The following TEX11 variants were observed in gnomAD, a reference collection of about 807,000 sequenced individuals.
TEX11 encodes testis-expressed protein 11.
A neutral mutation model predicts 84.4 loss-of-function variants in TEX11; 7 were observed. The ratio of observed to expected loss-of-function variants is 0.08; its 90% CI spans 0.05 to 0.16. TEX11 has a LOEUF of 0.16. Among genes scored for constraint, TEX11 ranks in the 10% least tolerant of loss-of-function variants. The pLI, the probability that TEX11 is intolerant of heterozygous loss-of-function variation, is 1.00. For missense variants in TEX11, 551 were observed against 660.5 expected (o/e 0.83, Z 1.82); for synonymous variants, 264 against 222.8 (o/e 1.18, Z -1.64).
rs781247115 is a variant in TEX11 at position 70,832,993 on chromosome X, G to T, written c.606+520C>A. Among the ~76,000 whole-genome samples the T allele has an allele frequency of 1.1e-4, 12 of 112,165 alleles. No individual in the cohort carries two copies. In the South Asian group the frequency reaches 4.1e-3, roughly 38 times the overall value. The stretch of plus-strand genomic sequence containing the variant: ...TTTAAGAAATATTCCATATCAGCCA[G>T]GTGTGGTGGCTCACGCCTGTAATCC... On this transcript the variant is annotated intron_variant, in intron 8 of 29. Transcript: ENST00000374333.
At chrX:70,623,172 A>G (rs1242888112) in intron 20 of TEX11, among the ~76,000 whole-genome samples, 2 of 111,903 alleles carry the variant, frequency 1.8e-5, no homozygotes, top group Non-Finnish European at 3.8e-5. Flanking sequence ...TTGAAAAAAT[A>G]CATTGCCTCC....
intron 9 of TEX11, among the ~76,000 whole-genome samples, chrX:70,761,456 T>C (rs2090908718): frequency 8.9e-6 from 1 of 111,854 alleles, no homozygotes; most frequent in Non-Finnish European, 1.9e-5. Context: ...TCATGTCCTT[T>C]GTAGGGACAT....
chrX:70,711,805 T>A (rs2147700736), intron 13 of TEX11, among the ~76,000 whole-genome samples: 1 of 111,771 alleles, frequency 8.9e-6, no homozygotes, highest in East Asian at 2.8e-4. Flanking sequence ...TAGATCCCAT[T>A]TGTCACTTTT....
intron 24 of TEX11, among the ~76,000 whole-genome samples, chrX:70,597,427 T>C (rs1440597721): frequency 8.9e-6 from 1 of 112,274 alleles, no homozygotes; most frequent in Non-Finnish European, 1.9e-5. Context: ...GCCCTGAGGA[T>C]AGACATAGAT....
At position 70,817,244 on chromosome X, in the gene TEX11, CATAT is replaced by C. The variant is rs752569939; in HGVS notation, c.607-10458_607-10455del. Reference sequence around the variant, plus strand: ...ACACATACACATACACACACACACACATATATATATACACACACACACACACACA... The same window carrying C: ...ACACATACACATACACACACACACACATATATACACACACACACACACACA... On this transcript the variant is annotated intron_variant, in intron 8 of 29. Transcript: ENST00000374333. 5.4e-4 allele frequency among the ~76,000 whole-genome samples: 54 copies of C among 100,880 alleles called. 1 individual carries two copies. The highest frequency in any genetic ancestry group is 5.2e-3 in the Middle Eastern group (1 of 193). 87.6% of individuals were successfully genotyped at this position (100,880 alleles called of 115,157 possible).
chrX:70,860,749 T>C (rs749244952), intron 5 of TEX11, 108 bp downstream of exon 5: 8 of 490,826 alleles, frequency 1.6e-5, no homozygotes, highest in East Asian at 1.6e-4. Context: ...CAAAAAAGGA[T>C]AGCACTAAAA....
intron 8 of TEX11, among the ~76,000 whole-genome samples, chrX:70,813,876 A>G (rs886365292): frequency 8.1e-5 from 9 of 111,740 alleles, no homozygotes; most frequent in South Asian, 7.5e-4. Flanking sequence ...AAAATACCTA[A>G]GAATCCAACT....
chrX:70,610,436 T>C (rs1205513932), intron 21 of TEX11, 67 bp downstream of exon 21: 1 of 1,015,391 alleles, frequency 9.8e-7, no homozygotes, highest in Admixed American at 2.6e-5. Flanking sequence ...GTGCTTAGTG[T>C]ACTTGGAGAA....
chrX:70,748,219 G>A (rs890148357), intron 9 of TEX11, among the ~76,000 whole-genome samples: 7 of 110,901 alleles, frequency 6.3e-5, no homozygotes, highest in South Asian at 3.8e-4. Flanking sequence ...AACAATAATC[G>A]ACACATCCAA....
Position 70,784,882 on chromosome X carries a change from G to A in TEX11, c.692+21823C>T, listed in dbSNP as rs184445454. ...CTCATGGGTAGGAAGAATCAATACC[G>A]TGAAAATGGCCATACTGCCCAAGGT... On this transcript the variant is annotated intron_variant, in intron 9 of 29. Transcript: ENST00000374333. 6.4e-3 allele frequency among the ~76,000 whole-genome samples: 714 copies of A among 111,869 alleles called. 2 individuals are homozygous for A. The highest frequency in any genetic ancestry group is 0.018 in the African/African-American group (544 of 30,821).
At chrX:70,678,502 A>T (rs1370796235) in intron 15 of TEX11, among the ~76,000 whole-genome samples, 1 of 109,905 alleles carries the variant, frequency 9.1e-6, no homozygotes, top group East Asian at 2.8e-4. Context: ...TTAAGTTTTT[A>T]AAGGGAATAA....
Position 70,616,686 on chromosome X carries a change from T to A in TEX11, c.1752-6143A>T, listed in dbSNP as rs191561275. On this transcript the variant is annotated intron_variant, in intron 20 of 29. Transcript: ENST00000374333. Reference sequence around the variant, plus strand: ...GTACATATACACAATGGAGGACTATTCGGCCATAGAAAATAATTGAGATCC... The same window carrying A: ...GTACATATACACAATGGAGGACTATACGGCCATAGAAAATAATTGAGATCC... Among the ~76,000 whole-genome samples, 51 of 112,231 alleles carry A rather than the reference T, an allele frequency of 4.5e-4. 1 individual carries two copies. Among genetic ancestry groups the A allele is most frequent in the Admixed American group, 4.0e-3 (42 of 10,590 alleles).
chrX:70,590,662 GA>G (rs1386500766), intron 25 of TEX11, among the ~76,000 whole-genome samples: 2 of 111,771 alleles, frequency 1.8e-5, no homozygotes, highest in Non-Finnish European at 3.8e-5. Context: ...ATTTAATCAG[GA>G]AATAGAATCA....
At chrX:70,517,312 T>C in the TEX11 span, among the ~76,000 whole-genome samples, 2 of 112,282 alleles carry the variant, frequency 1.8e-5, no homozygotes, top group African/African-American at 6.5e-5. Flanking sequence ...ACCTAGTTTA[T>C]TGAGAGTTTT....
At chrX:70,584,050 C>A (rs937514310) in intron 25 of TEX11, among the ~76,000 whole-genome samples, 1 of 109,614 alleles carries the variant, frequency 9.1e-6, no homozygotes, top group Non-Finnish European at 1.9e-5. Context: ...GAGGCCGAGG[C>A]GGGTGGATCA....
intron 2 of TEX11, among the ~76,000 whole-genome samples, chrX:70,888,666 C>T (rs969040789): frequency 6.3e-5 from 7 of 111,621 alleles, no homozygotes; most frequent in African/African-American, 2.3e-4. Flanking sequence ...AAAGTTTATT[C>T]AAAGGGATAA....
intron 25 of TEX11, among the ~76,000 whole-genome samples, chrX:70,556,156 C>G (rs2088283279): frequency 9.0e-6 from 1 of 111,027 alleles, no homozygotes; most frequent in Non-Finnish European, 1.9e-5. Context: ...TTTTCTTTTG[C>G]TTGATTGGGT....
intron 24 of TEX11, among the ~76,000 whole-genome samples, chrX:70,593,405 TG>T (rs2088962136): frequency 9.0e-6 from 1 of 111,623 alleles, no homozygotes; most frequent in African/African-American, 3.3e-5. Context: ...ACAAACCCCA[TG>T]GGGAGATCAG....
intron 27 of TEX11, 85 bp from the exon 28 acceptor site, chrX:70,552,331 C>T: frequency 9.3e-7 from 1 of 1,071,486 alleles, no homozygotes; most frequent in Non-Finnish European, 1.2e-6. Context: ...TGGATCTCAT[C>T]CCAGACTAAC....
Sources: allele counts gnomAD v4.1 joint callset (sites outside exome capture counted in the v4.1 genomes callset), GRCh38; gene constraint gnomAD v4.1.1; transcripts MANE v1.5; gene names NCBI Gene and HGNC (gene_info 2026-07-23, HGNC 2026-07-21).